The following KATNBL1 variants were observed in gnomAD, a reference collection of about 807,000 sequenced individuals.
The protein encoded by KATNBL1 is katanin regulatory subunit B1 like 1, also known as KATNB1-like protein 1.
In KATNBL1, 28 loss-of-function variants were observed where a neutral mutation model predicts 44.7. The observed-to-expected ratio is 0.63, with a 90% CI of 0.46 to 0.86. KATNBL1 has a LOEUF of 0.86. Ranked by LOEUF, KATNBL1 falls within the 40% of genes least tolerant of loss-of-function variation. KATNBL1 has a pLI of 0.00. For synonymous variants in KATNBL1, 78 were observed against 114.9 expected (o/e 0.68, Z 2.06); for missense variants, 272 against 350.7 (o/e 0.78, Z 1.79).
Position 34,154,625 on chromosome 15 carries a change from A to G in KATNBL1, c.158+19T>C. Reference sequence around the variant, plus strand: ...CTTTCATATTTGTTGTTCCCCACAAACTTTAAAGAAACTCTTACCTATTTA... The same window carrying G: ...CTTTCATATTTGTTGTTCCCCACAAGCTTTAAAGAAACTCTTACCTATTTA... On this transcript the variant is annotated intron_variant, in intron 3 of 9. Coordinates refer to ENST00000256544, the MANE Select transcript of KATNBL1 (RefSeq NM_024713.3). 1 of 1,519,172 alleles carries G rather than the reference A, an allele frequency of 6.6e-7. No individual in the cohort carries two copies. Among genetic ancestry groups the G allele is most frequent in the East Asian group, 2.3e-5 (1 of 44,432 alleles). 94.1% of individuals were successfully genotyped at this position (1,519,172 alleles called of 1,614,324 possible). A position where few individuals can be genotyped will look rare whatever the true frequency, so the allele number is the denominator to read the frequency against.
intron 1 of KATNBL1, chr15:34,166,258 T>C (rs894373170): frequency 6.6e-6 from 1 of 152,336 alleles, no homozygotes; most frequent in African/African-American, 2.4e-5. Flanking sequence ...CCAATGGTCT[T>C]AGCAAATGGC....
At chr15:34,200,590 A>C (rs12592460) in intron 1 of KATNBL1, among the ~76,000 whole-genome samples, 120,676 of 152,016 alleles carry the variant, frequency 0.79, 48,735 homozygotes, top group Non-Finnish European at 0.87. Context: ...AGTTTTCCAC[A>C]GTAAGCTGAT....
chr15:34,146,939 C>A, intron 7 of KATNBL1, 89 bp from the exon 8 acceptor site: 1 of 818,676 alleles, frequency 1.2e-6, no homozygotes, highest in Non-Finnish European at 2.1e-6. Flanking sequence ...AAAAAACACA[C>A]ACACACATTG....
In KATNBL1 at chr15:34,146,805, C is replaced by T. The variant is rs112364992; in HGVS notation, c.744G>A (p.Arg248=). The T allele has an allele frequency of 5.6e-6, 9 of 1,609,466 alleles. No homozygotes were observed. The highest frequency in any genetic ancestry group is 5.3e-5 in the African/African-American group (4 of 74,960). Residue 248 remains arginine, a synonymous_variant, in exon 8 of 10, where the codon AGG becomes AGA. Transcript: ENST00000256544. ...GLNWLQAVIK[R]WWSELSSKTE... ...TTTTGGATGATAGTTCTGACCACCA[C>T]CTTTTAATGACTGCTTGAAGCCAGT...
chr15:34,162,581 A>T (rs980397148), intron 2 of KATNBL1, among the ~76,000 whole-genome samples: 2 of 152,208 alleles, frequency 1.3e-5, no homozygotes, highest in African/African-American at 4.8e-5. Flanking sequence ...GATGCTTAAC[A>T]AGTGAGTTAA....
At chr15:34,170,458 A>G (rs1191224142) in intron 1 of KATNBL1, among the ~76,000 whole-genome samples, 1 of 152,226 alleles carries the variant, frequency 6.6e-6, no homozygotes, top group Admixed American at 6.5e-5. Flanking sequence ...AAATGGAAGA[A>G]CATTCCATGC....
chr15:34,144,502 G>A (rs545991256), intron 9 of KATNBL1, among the ~76,000 whole-genome samples: 3 of 150,884 alleles, frequency 2.0e-5, no homozygotes, highest in Non-Finnish European at 4.4e-5. Context: ...CAGTATGCCC[G>A]GTAATAAAGT....
intron 9 of KATNBL1, among the ~76,000 whole-genome samples, chr15:34,144,809 T>G (rs1420292954): frequency 1.3e-5 from 2 of 152,176 alleles, no homozygotes; most frequent in Non-Finnish European, 2.9e-5. Flanking sequence ...TCAGGTGATC[T>G]GCTTGCCTTG....
At chr15:34,165,317 A>ATT (rs112152461) in intron 1 of KATNBL1, among the ~76,000 whole-genome samples, 1 of 150,882 alleles carries the variant, frequency 6.6e-6, no homozygotes, top group Non-Finnish European at 1.5e-5. Flanking sequence ...ACAATGTGAG[A>ATT]TTTTTTTTTT....
chr15:34,182,669 C>A, intron 1 of KATNBL1, among the ~76,000 whole-genome samples: 1 of 151,820 alleles, frequency 6.6e-6, no homozygotes, highest in East Asian at 1.9e-4. Flanking sequence ...AACTACTCAG[C>A]AATAAAAAAG....
chr15:34,172,744 TAGAC>T (rs1351906906), intron 1 of KATNBL1, among the ~76,000 whole-genome samples: 1 of 127,954 alleles, frequency 7.8e-6, no homozygotes, highest in Non-Finnish European at 1.6e-5. Context: ...CACAGACACA[TAGAC>T]ACACAGACAC....
chr15:34,174,561 A>T (rs1889265233), intron 1 of KATNBL1, among the ~76,000 whole-genome samples: 1 of 152,230 alleles, frequency 6.6e-6, no homozygotes, highest in Admixed American at 6.5e-5. Flanking sequence ...ATTCAGAAAC[A>T]TGACCTAATT....
At chr15:34,178,571 C>T (rs1220936134) in intron 1 of KATNBL1, among the ~76,000 whole-genome samples, 4 of 150,456 alleles carry the variant, frequency 2.7e-5, no homozygotes, top group African/African-American at 1.0e-4. Flanking sequence ...TCCTGGCTAA[C>T]CCGGTGAAAC....
intron 4 of KATNBL1, among the ~76,000 whole-genome samples, chr15:34,152,162 G>A (rs968856270): frequency 2.0e-5 from 3 of 149,566 alleles, no homozygotes; most frequent in East Asian, 2.0e-4. Flanking sequence ...GGCTGGCCTC[G>A]AACTCCCGAC....
intron 8 of KATNBL1, chr15:34,146,536 AG>A: frequency 2.2e-6 from 1 of 459,318 alleles, no homozygotes. Flanking sequence ...AATGAAGGGT[AG>A]GGTTGTGCCA....
At chr15:34,158,276 A>T (rs1362143939) in intron 2 of KATNBL1, among the ~76,000 whole-genome samples, 1 of 152,212 alleles carries the variant, frequency 6.6e-6, no homozygotes, top group African/African-American at 2.4e-5. Context: ...TCATAAGGGA[A>T]TTGGATAACA....
At chr15:34,153,384 C>A (rs2140911323) in intron 3 of KATNBL1, among the ~76,000 whole-genome samples, 1 of 152,152 alleles carries the variant, frequency 6.6e-6, no homozygotes, top group East Asian at 1.9e-4. Context: ...TTTCTAGAAA[C>A]CTGATCTTTT....
intron 4 of KATNBL1, among the ~76,000 whole-genome samples, chr15:34,152,008 G>A (rs896172910): frequency 5.0e-5 from 7 of 141,138 alleles, no homozygotes; most frequent in Non-Finnish European, 1.1e-4. Context: ...TGGAATGATC[G>A]CGGCTCACTG....
At chr15:34,146,099 CCAT>C in intron 8 of KATNBL1, 1 of 152,454 alleles carries the variant, frequency 6.6e-6, no homozygotes, top group Non-Finnish European at 1.5e-5. Flanking sequence ...GCGCACACCA[CCAT>C]GCCTGGCTAA....
Sources: allele counts gnomAD v4.1 joint callset (sites outside exome capture counted in the v4.1 genomes callset), GRCh38; gene constraint gnomAD v4.1.1; transcripts MANE v1.5; gene names NCBI Gene and HGNC (gene_info 2026-07-23, HGNC 2026-07-21).